GATA2: variants seen among roughly 807,000 people sequenced by gnomAD.
GATA2 encodes endothelial transcription factor GATA-2.
GATA2 carries 6 observed loss-of-function variants against 35.7 expected under a neutral mutation model. That is an observed-to-expected ratio of 0.17 (90% confidence interval 0.09 to 0.33). The LOEUF is 0.33. Among genes scored for constraint, GATA2 ranks in the 10% least tolerant of loss-of-function variants. The pLI, the probability that GATA2 is intolerant of heterozygous loss-of-function variation, is 1.00. For missense variants in GATA2, 541 were observed against 656.6 expected, an observed-to-expected ratio of 0.82 and a Z score of 1.92; for synonymous variants, 313 against 274.9, an observed-to-expected ratio of 1.14 and a Z score of -1.37.
At chr3:128,482,237 C>T (rs2068639739) in intron 4 of GATA2, among the ~76,000 whole-genome samples, 1 of 152,220 alleles carries the variant, frequency 6.6e-6, no homozygotes, top group African/African-American at 2.4e-5. Flanking sequence ...CGCTCTAACT[C>T]CATAAATGGG....
rs371627010 is a variant in GATA2, at chr3:128,483,053, G to A, written c.1017+807C>T. On this transcript the variant is annotated intron_variant, in intron 4 of 5. Coordinates refer to ENST00000341105, the MANE Select transcript of GATA2 (RefSeq NM_032638.5). ...GAATTCTGACTCAGGGGCCAACGCC[G>A]CGTCCTCCACCTCTACCCCCACCCG... Among the ~76,000 whole-genome samples the A allele has an allele frequency of 1.9e-4, 29 of 152,306 alleles. No homozygotes were observed. The East Asian group carries it at 4.1e-3, about 21-fold the overall frequency.
At position 128,486,392 on chromosome 3, in the gene GATA2, C is replaced by T. The variant is rs769036885; in HGVS notation, c.230-24G>A. On this transcript the variant is annotated intron_variant, in intron 2 of 5. Coordinates refer to ENST00000341105, the MANE Select transcript of GATA2 (RefSeq NM_032638.5). ...GGCTGCGGGCAAAGAGAGAGAGGAT[C>T]AGGGTGGGCAGAAAGATCAGGGTAG... The T allele has an allele frequency of 4.4e-6, 7 of 1,589,726 alleles. No individual in the cohort carries two copies. In the South Asian group the frequency reaches 8.0e-5, roughly 18 times the overall value.
intron 2 of GATA2, 47 bp from the exon 3 acceptor site, chr3:128,486,415 T>A: frequency 6.4e-7 from 1 of 1,571,296 alleles, no homozygotes; most frequent in African/African-American, 1.3e-5. Context: ...AAGATCAGGG[T>A]AGGCAGAGCT....
At chr3:128,481,672 T>C (rs2068630189) in intron 5 of GATA2, 147 bp downstream of exon 5, 5 of 972,312 alleles carry the variant, frequency 5.1e-6, no homozygotes, top group Non-Finnish European at 7.5e-6. Context: ...GCACCCCTCT[T>C]ACGGGAAGCC....
At chr3:128,483,767 A>G (rs2068659466) in intron 4 of GATA2, 93 bp downstream of exon 4, 3 of 1,531,764 alleles carry the variant, frequency 2.0e-6, no homozygotes, top group Non-Finnish European at 2.7e-6. Flanking sequence ...TCAAGCGGCA[A>G]AGCGTCTGCA....
Position 128,480,031 on chromosome 3 carries a change from A to C in GATA2, c.*988T>G, listed in dbSNP as rs1349296825. 3.4e-5 allele frequency: 8 copies of C among 232,974 alleles called. No homozygotes were observed. Among genetic ancestry groups the C allele is most frequent in the Admixed American group, 5.6e-5 (1 of 17,776 alleles). The allele number at this position is 232,974 out of a possible 1,614,324, so 14.4% of individuals were successfully genotyped here. On this transcript the variant is annotated 3_prime_UTR_variant, in exon 6 of 6. Coordinates refer to ENST00000341105, the MANE Select transcript of GATA2 (RefSeq NM_032638.5). ...CAGCTCTTTTCCAAAAAGAATTGCA[A>C]AGCTCCAACCTTGTGTGTAGGTTTT... is the stretch of plus-strand genomic sequence containing the variant.
chr3:128,489,307 C>G (rs2107675646), intron 1 of GATA2: 1 of 152,498 alleles, frequency 6.6e-6, no homozygotes, highest in African/African-American at 2.4e-5. Context: ...CCCCCGTCAC[C>G]CCCTCCCAGG....
rs2068621730 is a variant in GATA2, at chr3:128,481,108, T to C, written c.1354A>G (p.Ile452Val). 1 of 1,613,812 alleles carries C rather than the reference T, an allele frequency of 6.2e-7. No individual in the cohort carries two copies. The highest frequency in any genetic ancestry group is 1.1e-5 in the South Asian group (1 of 91,062). ...HLPPFSHSGH[I>V]LPTPTPIHPS... is the part of the protein sequence containing the mutation. ...TGGATGGGCGTCGGAGTGGGCAGGATGTGTCCGGAGTGGCTGAAGGGCGGG... is the reference window on the plus strand; with the variant it reads ...TGGATGGGCGTCGGAGTGGGCAGGACGTGTCCGGAGTGGCTGAAGGGCGGG... Residue 452 changes from isoleucine to valine, a missense_variant, in exon 6 of 6, where the codon ATC (isoleucine) becomes GTC (valine). Coordinates refer to ENST00000341105, the MANE Select transcript of GATA2 (RefSeq NM_032638.5).
At chr3:128,481,443 G>A (rs966304460) in intron 5 of GATA2, 125 bp from the exon 6 acceptor site, 30 of 1,055,204 alleles carry the variant, frequency 2.8e-5, no homozygotes, top group South Asian at 2.1e-4. Context: ...AATTGTGCCC[G>A]ACCTTCATAG....
rs1709359876 is a variant in GATA2, at chr3:128,486,113, G to A, written c.485C>T (p.Thr162Ile). ...AAGGTGGGAGCCAGAGTGGGCTGCT[G>A]TAGGGGTGAGGGAGGCCACTGAGCT... ...SGSSVASLTP[T>I]AAHSGSHLFG... The change falls in exon 3 of 6, where the codon ACA becomes ATA. Residue 162 changes from threonine (T) to isoleucine (I), a missense_variant. Transcript: ENST00000341105. 6.2e-7 allele frequency: 1 copy of A among 1,612,506 alleles called. No individual in the cohort carries two copies. Among genetic ancestry groups the A allele is most frequent in the African/African-American group, 1.3e-5 (1 of 75,018 alleles).
chr3:128,481,990 C>T (rs1346211551), intron 4 of GATA2, 46 bp from the exon 5 acceptor site: 2 of 1,606,480 alleles, frequency 1.2e-6, no homozygotes, highest in Admixed American at 3.3e-5. Context: ...CCACGCCCAC[C>T]TCGACCCCCC....
At chr3:128,490,735 CCAAA>C (rs1371878757) in intron 1 of GATA2, 4 of 152,282 alleles carry the variant, frequency 2.6e-5, no homozygotes, top group South Asian at 2.1e-4. Flanking sequence ...ACCTTGGGCC[CCAAA>C]CAAACTCCCG....
chr3:128,491,252 G>A (rs1306624642), intron 1 of GATA2, among the ~76,000 whole-genome samples: 1 of 144,114 alleles, frequency 6.9e-6, no homozygotes, highest in Non-Finnish European at 1.5e-5. Flanking sequence ...TAGCTCATCC[G>A]AGGCGGCCCC....
rs2068730921 is a variant in GATA2 at position 128,488,107 on chromosome 3, G to A, written c.-45-1031C>T. On this transcript the variant is annotated intron_variant, in intron 1 of 5. Transcript: ENST00000341105. This position sits in a 1 kb window ranked among gnomAD's most constrained non-coding sequence, Gnocchi z 5.8. ...GGCCCCCTCCCTGCGCGCTCCTGGC[G>A]GCCCCTGCTGCCAACGCGCCCCACC... Among the ~76,000 whole-genome samples the A allele has an allele frequency of 6.6e-6, 1 of 152,038 alleles. No individual in the cohort carries two copies. The highest frequency in any genetic ancestry group is 2.1e-4 in the South Asian group (1 of 4,820).
At position 128,487,084 on chromosome 3, in the gene GATA2, A is replaced by G; in HGVS notation, c.-45-8T>C. 1.4e-6 allele frequency: 2 copies of G among 1,441,264 alleles called. No homozygotes were observed. Among genetic ancestry groups the G allele is most frequent in the Non-Finnish European group, 1.9e-6 (2 of 1,070,102 alleles). The allele number at this position is 1,441,264 out of a possible 1,614,324, so 89.3% of individuals were successfully genotyped here. Reference sequence around the variant, plus strand: ...GTGCAGACGGCAACGGCCCTGCGCGAGGAAGGGGGAGTGAGGCGTGCCGCC... The same window carrying G: ...GTGCAGACGGCAACGGCCCTGCGCGGGGAAGGGGGAGTGAGGCGTGCCGCC... On this transcript the variant is annotated splice_region_variant and splice_polypyrimidine_tract_variant and intron_variant, in intron 1 of 5. Transcript: ENST00000341105.
chr3:128,481,826 A>AGCTTGTAGTAGAGGCCACAGGCGTTGC lies in GATA2; in HGVS notation c.1109_1135dup (p.Lys378_Leu379insArgAsnAlaCysGlyLeuTyrTyrLys). 6.2e-7 allele frequency: 1 copy of AGCTTGTAGTAGAGGCCACAGGCGTTGC among 1,613,928 alleles called. No homozygotes were observed. ...GGGGCGGGGCGCACTCACATTGTGC[A>AGCTTGTAGTAGAGGCCACAGGCGTTGC]GCTTGTAGTAGAGGCCACAGGCGTT... On this transcript the variant is annotated inframe_insertion, in exon 5 of 6. Coordinates refer to ENST00000341105, the MANE Select transcript of GATA2 (RefSeq NM_032638.5).
rs2068614114 is a variant in GATA2, at chr3:128,480,669, A to T, written c.*350T>A. On this transcript the variant is annotated 3_prime_UTR_variant, in exon 6 of 6. Coordinates refer to ENST00000341105, the MANE Select transcript of GATA2 (RefSeq NM_032638.5). ...ACCAAGTCTCCAAGTCCTTGTTAGA[A>T]ACAAGAGCAAAATAAATTATTTTTG... The T allele has an allele frequency of 3.1e-6, 1 of 325,206 alleles. No individual in the cohort carries two copies. The highest frequency in any genetic ancestry group is 2.1e-5 in the African/African-American group (1 of 47,678). The allele number at this position is 325,206 out of a possible 1,614,324, so 20.1% of individuals were successfully genotyped here.
At chr3:128,481,613 T>C (rs1380771572) in intron 5 of GATA2, among the ~76,000 whole-genome samples, 2 of 143,916 alleles carry the variant, frequency 1.4e-5, no homozygotes, top group Non-Finnish European at 3.1e-5. Context: ...ACCACTTCCC[T>C]AGTCCGAGAC....
At chr3:128,484,137 G>T in intron 3 of GATA2, 132 bp from the exon 4 acceptor site, 1 of 1,136,102 alleles carries the variant, frequency 8.8e-7, no homozygotes, top group Non-Finnish European at 1.2e-6. Flanking sequence ...GGGCCTGGCT[G>T]CAACAGCCTG....
Sources: gnomAD v4.1 joint callset for allele counts (sites outside exome capture counted in the v4.1 genomes callset) on GRCh38, gnomAD v4.1.1 for gene constraint, Gnocchi (gnomAD v3.1) non-coding constraint, MANE v1.5 for transcripts, NCBI Gene and HGNC (gene_info 2026-07-23, HGNC 2026-07-21) for gene names.